TRIP11: variants seen among roughly 807,000 people sequenced by gnomAD.
TRIP11 encodes thyroid receptor-interacting protein 11.
Under a neutral mutation model 223.1 loss-of-function variants are expected in TRIP11, and 148 were observed. That is an observed-to-expected ratio of 0.66 (90% CI 0.58 to 0.76). The LOEUF is 0.76. Ranked by LOEUF, TRIP11 falls within the 30% of genes least tolerant of loss-of-function variation. The probability of loss-of-function intolerance (pLI) is 0.00; values close to 1 mark genes in which losing one functional copy is unlikely to be tolerated. For synonymous variants in TRIP11, 762 were observed against 772.6 expected, an observed-to-expected ratio of 0.99 and a Z score of 0.23; for missense variants, 2,043 against 2,222.0, an observed-to-expected ratio of 0.92 and a Z score of 1.62.
intron 11 of TRIP11, 34 bp from the exon 12 acceptor site, chr14:92,000,142 C>A (rs776506016): frequency 2.7e-6 from 4 of 1,492,634 alleles, no homozygotes; most frequent in African/African-American, 1.4e-5. Context: ...CTTTAAAAAA[C>A]ACACACACAC....
rs1166796823 is a variant in TRIP11 at position 91,968,817 on chromosome 14, G to C, written c.*856C>G. On this transcript the variant is annotated 3_prime_UTR_variant, in exon 21 of 21. Coordinates refer to ENST00000267622, the MANE Select transcript of TRIP11 (RefSeq NM_004239.4). ...ATTCTCAAAATAACAAAATGACTGA[G>C]ATGGAGAACAGTAAGTGGTTGTCAG... The C allele has an allele frequency of 1.7e-5, 4 of 232,704 alleles. No homozygotes were observed. Among genetic ancestry groups the C allele is most frequent in the African/African-American group, 8.8e-5 (4 of 45,264 alleles). The allele number at this position is 232,704 out of a possible 1,614,324, so 14.4% of individuals were successfully genotyped here.
chr14:91,986,116 G>C (rs1375232517), intron 16 of TRIP11, among the ~76,000 whole-genome samples: 2 of 152,146 alleles, frequency 1.3e-5, no homozygotes, highest in Non-Finnish European at 2.9e-5. Context: ...AGCATAATCA[G>C]AGCTTTCTCT....
At chr14:92,012,409 G>T (rs4381521) in intron 7 of TRIP11, among the ~76,000 whole-genome samples, 2 of 152,178 alleles carry the variant, frequency 1.3e-5, no homozygotes, top group African/African-American at 4.8e-5. Flanking sequence ...GTAAAATTTA[G>T]CCCTTGCTCT....
intron 19 of TRIP11, 130 bp from the exon 20 acceptor site, chr14:91,972,991 A>G: frequency 1.2e-6 from 1 of 825,646 alleles, no homozygotes; most frequent in Non-Finnish European, 1.8e-6. Flanking sequence ...TTTTTTTTAC[A>G]AATCAGCTTT....
At position 92,000,051 on chromosome 14, in the gene TRIP11, T is replaced by C. The variant is rs757835734; in HGVS notation, c.4615A>G (p.Thr1539Ala). The C allele has an allele frequency of 6.2e-7, 1 of 1,614,066 alleles. No homozygotes were observed. Among genetic ancestry groups the C allele is most frequent in the Admixed American group, 1.7e-5 (1 of 60,012 alleles). Residue 1539 changes from threonine to alanine, a missense_variant, in exon 12 of 21, where the codon ACA becomes GCA. By Grantham distance (58) the Thr-to-Ala change is moderately conservative. Transcript: ENST00000267622. ...LNAVKSMQEKTVVFQQERDQV... is the reference protein window; with the variant it reads ...LNAVKSMQEKAVVFQQERDQV... ...TCTCTCTCCTGTTGAAACACAACTG[T>C]CTTCTCCTGCATTGATTTAACTGCA... is the stretch of plus-strand genomic sequence containing the variant.
At chr14:91,985,680 A>T (rs2056596826) in intron 16 of TRIP11, among the ~76,000 whole-genome samples, 1 of 152,246 alleles carries the variant, frequency 6.6e-6, no homozygotes, top group Non-Finnish European at 1.5e-5. Flanking sequence ...GTCTCCATGT[A>T]CTTTCTTCCA....
chr14:91,992,620 T>C (rs935254587), intron 15 of TRIP11, among the ~76,000 whole-genome samples: 34 of 152,038 alleles, frequency 2.2e-4, no homozygotes, highest in African/African-American at 9.7e-5. Flanking sequence ...ATTTATGACA[T>C]AGAAAAGCTT....
At chr14:92,014,699 T>A in intron 6 of TRIP11, 122 bp from the exon 7 acceptor site, 1 of 1,042,608 alleles carries the variant, frequency 9.6e-7, no homozygotes, top group Non-Finnish European at 1.3e-6. Flanking sequence ...GTTAAATTAC[T>A]ATAATAAACT....
chr14:92,011,520 C>T (rs990531592), intron 8 of TRIP11, among the ~76,000 whole-genome samples: 3 of 141,008 alleles, frequency 2.1e-5, no homozygotes, highest in African/African-American at 7.8e-5. Context: ...GAATGCAACA[C>T]TTATAAAAGT....
At position 92,004,663 on chromosome 14, in the gene TRIP11, A is replaced by C. The variant is rs1566859317; in HGVS notation, c.3313T>G (p.Leu1105Val). 1.2e-6 allele frequency: 2 copies of C among 1,614,130 alleles called. No homozygotes were observed. Among genetic ancestry groups the C allele is most frequent in the Non-Finnish European group, 1.7e-6 (2 of 1,180,020 alleles). Reference protein sequence around the residue: ...AMEREKVFAVLNEKTRENSHL... With the variant: ...AMEREKVFAVVNEKTRENSHL... ...CTATTTTCCCTAGTCTTCTCATTCA[A>C]AACAGCAAATACCTTTTCTCTTTCC... The change falls in exon 11 of 21, where the codon TTG (leucine) becomes GTG (valine). Residue 1105 changes from leucine (L) to valine (V), a missense_variant. Transcript: ENST00000267622.
At chr14:92,025,205 A>T in intron 3 of TRIP11, 105 bp downstream of exon 3, 2 of 859,418 alleles carry the variant, frequency 2.3e-6, no homozygotes. Context: ...TCACCTTTTC[A>T]TATTTTTACA....
intron 15 of TRIP11, 106 bp downstream of exon 15, chr14:91,993,703 A>G: frequency 1.1e-6 from 1 of 947,346 alleles, no homozygotes; most frequent in Non-Finnish European, 1.6e-6. Context: ...TCAGGGTAGA[A>G]AATTTACTAA....
intron 17 of TRIP11, among the ~76,000 whole-genome samples, chr14:91,975,828 T>G (rs2056457246): frequency 6.6e-6 from 1 of 152,154 alleles, no homozygotes. Context: ...TAAAAATAAA[T>G]TTTTTATTTT....
chr14:92,004,084 G>A lies in TRIP11; in HGVS notation c.3892C>T (p.Leu1298Phe). The A allele has an allele frequency of 1.2e-6, 2 of 1,614,172 alleles. No individual in the cohort carries two copies. Among genetic ancestry groups the A allele is most frequent in the Non-Finnish European group, 1.7e-6 (2 of 1,180,030 alleles). Residue 1298 changes from leucine (L) to phenylalanine (F), a missense_variant, in exon 11 of 21, where the codon CTT becomes TTT. Leu to Phe is a conservative substitution (Grantham distance 22, BLOSUM62 0). Transcript: ENST00000267622. ...AAAAGAAGATCCTTGGTATTGCAAA[G>A]CTGCCCAATGCTGTGCTGAACTTGT... ...LAQVQHSIGQ[L>F]CNTKDLLLGK...
chr14:92,027,229 C>A (rs184238994), intron 2 of TRIP11, among the ~76,000 whole-genome samples: 1 of 151,390 alleles, frequency 6.6e-6, no homozygotes, highest in East Asian at 1.9e-4. Flanking sequence ...AACCAGCCTT[C>A]GGAGTGTTCT....
chr14:91,992,970 T>TTTAG (rs1284963473), intron 15 of TRIP11, among the ~76,000 whole-genome samples: 1 of 144,046 alleles, frequency 6.9e-6, no homozygotes, highest in East Asian at 2.1e-4. Flanking sequence ...TAAAAGCACG[T>TTTAG]TGTTTTGGTG....
chr14:92,002,001 T>C (rs146057367), intron 11 of TRIP11, among the ~76,000 whole-genome samples: 63 of 152,192 alleles, frequency 4.1e-4, no homozygotes, highest in African/African-American at 1.4e-3. Flanking sequence ...CAAATGAAGT[T>C]GAATCACTTT....
At chr14:92,024,488 G>A (rs1006540522) in intron 3 of TRIP11, among the ~76,000 whole-genome samples, 2 of 151,828 alleles carry the variant, frequency 1.3e-5, no homozygotes, top group African/African-American at 4.8e-5. Flanking sequence ...CCAACAAATT[G>A]GAAATTTAAG....
At position 92,005,908 on chromosome 14, in the gene TRIP11, T is replaced by G. The variant is rs770704991; in HGVS notation, c.2068A>C (p.Arg690=). ...EKLVLACEDV[R]HQLEECLAGN... ...GCAAGACATTCTTCTAACTGATGCC[T>G]CACATCTTCACATGCTAAAACTAAC... Residue 690 remains arginine, a synonymous_variant, in exon 11 of 21, where the codon AGG becomes CGG. Coordinates refer to ENST00000267622, the MANE Select transcript of TRIP11 (RefSeq NM_004239.4). 1 of 1,613,870 alleles carries G rather than the reference T, an allele frequency of 6.2e-7. No homozygotes were observed. Among genetic ancestry groups the G allele is most frequent in the Non-Finnish European group, 8.5e-7 (1 of 1,180,008 alleles).
Sources: gnomAD v4.1 joint callset for allele counts (sites outside exome capture counted in the v4.1 genomes callset) on GRCh38, gnomAD v4.1.1 for gene constraint, MANE v1.5 for transcripts, NCBI Gene and HGNC (gene_info 2026-07-23, HGNC 2026-07-21) for gene names.